Variants in KANK1 observed in about 807,000 individuals in gnomAD.
KANK1 encodes KN motif and ankyrin repeat domains 1, also known as KN motif and ankyrin repeat domain-containing protein 1.
In KANK1, 109 loss-of-function variants were observed where a neutral mutation model predicts 106.2. That is an observed-to-expected ratio of 1.03 (90% CI 0.88 to 1.20). The LOEUF is 1.20. Among genes scored for constraint, KANK1 ranks in the 50% most tolerant of loss-of-function variants. The probability of loss-of-function intolerance (pLI) is 0.00; values close to 1 mark genes in which losing one functional copy is unlikely to be tolerated. For missense variants in KANK1, 2,399 were observed against 1,710.7 expected, an observed-to-expected ratio of 1.40 and a Z score of -7.10; for synonymous variants, 873 against 652.2, an observed-to-expected ratio of 1.34 and a Z score of -5.16.
chr9:677,831 T>C (rs1816703709), intron 2 of KANK1, among the ~76,000 whole-genome samples: 2 of 152,212 alleles, frequency 1.3e-5, no homozygotes, highest in Admixed American at 1.3e-4. Flanking sequence ...AGTGTAGAAT[T>C]GGAGCCAGGA....
At chr9:531,389 C>T (rs1023947357) in intron 1 of KANK1, among the ~76,000 whole-genome samples, 4 of 151,926 alleles carry the variant, frequency 2.6e-5, no homozygotes, top group African/African-American at 9.7e-5. Flanking sequence ...TGTAATTGTA[C>T]CCCTACACTC....
At chr9:636,042 T>G (rs1837056288) in intron 1 of KANK1, among the ~76,000 whole-genome samples, 1 of 152,128 alleles carries the variant, frequency 6.6e-6, no homozygotes, top group Non-Finnish European at 1.5e-5. Flanking sequence ...ATTTTCATAG[T>G]TTTACTGTTT....
rs144546089 is a variant in KANK1 at position 631,742 on chromosome 9, C to T, written c.-83-45148C>T. On this transcript the variant is annotated intron_variant, in intron 1 of 11. Transcript: ENST00000382297. ...TCATCCATCCCTTGCATATTTAACT[C>T]CTCACACACCCCATTCTGTGGTCTC... 9.2e-5 allele frequency among the ~76,000 whole-genome samples: 14 copies of T among 152,318 alleles called. No individual in the cohort carries two copies. In the East Asian group the frequency reaches 2.5e-3, roughly 27 times the overall value.
chr9:536,097 G>A (rs1240514358), intron 1 of KANK1, among the ~76,000 whole-genome samples: 1 of 152,124 alleles, frequency 6.6e-6, no homozygotes, highest in African/African-American at 2.4e-5. Context: ...CAGCACTTCA[G>A]GAGGCTGAGG....
chr9:624,206 G>T (rs1833834465), intron 1 of KANK1, among the ~76,000 whole-genome samples: 1 of 152,100 alleles, frequency 6.6e-6, no homozygotes, highest in Non-Finnish European at 1.5e-5. Context: ...GAGTAGAATG[G>T]TGATTGTCAG....
Position 732,507 on chromosome 9 carries a change from A to T in KANK1, c.3135A>T (p.Gly1045=), listed in dbSNP as rs1832591226. 6.2e-7 allele frequency: 1 copy of T among 1,614,000 alleles called. No homozygotes were observed. Among genetic ancestry groups the T allele is most frequent in the Non-Finnish European group, 8.5e-7 (1 of 1,180,030 alleles). The stretch of plus-strand genomic sequence containing the variant: ...AGGAGGAGGATGAAGACACTCGGGG[A>T]ATGGCAGAAGGGCACCATGCAGTTA... ...EEEEEDEDTR[G]MAEGHHAVNI... is the part of the protein sequence containing the mutation. Residue 1045 remains glycine, a synonymous_variant, in exon 6 of 12, where the codon GGA becomes GGT. Coordinates refer to ENST00000382297, the MANE Select transcript of KANK1 (RefSeq NM_015158.5).
intron 1 of KANK1, among the ~76,000 whole-genome samples, chr9:635,772 C>G (rs1836985198): frequency 7.3e-6 from 1 of 137,200 alleles, no homozygotes; most frequent in Admixed American, 7.9e-5. Context: ...GATCTCAGCT[C>G]ACTGCAACCT....
intron 1 of KANK1, among the ~76,000 whole-genome samples, chr9:543,559 C>CAA (rs57776331): frequency 3.3e-4 from 40 of 120,458 alleles, no homozygotes; most frequent in Non-Finnish European, 5.6e-4. Flanking sequence ...AACTCTGTCT[C>CAA]AAAAAAAAAA....
chr9:537,514 G>A (rs2060362557), intron 1 of KANK1, among the ~76,000 whole-genome samples: 1 of 152,154 alleles, frequency 6.6e-6, no homozygotes, highest in African/African-American at 2.4e-5. Context: ...ATTTGGGGGG[G>A]CTCTTTTTTT....
At chr9:540,344 T>C (rs527681343) in intron 1 of KANK1, among the ~76,000 whole-genome samples, 48 of 152,358 alleles carry the variant, frequency 3.2e-4, no homozygotes, top group African/African-American at 1.1e-3. Context: ...TTTTAATTAA[T>C]TTGCATATGT....
chr9:598,850 T>G (rs1472115962), intron 1 of KANK1, among the ~76,000 whole-genome samples: 1 of 150,086 alleles, frequency 6.7e-6, no homozygotes, highest in Non-Finnish European at 1.5e-5. Flanking sequence ...CAGACTGGTC[T>G]CGGACTCCTG....
chr9:562,959 G>A (rs1275038019), intron 1 of KANK1, among the ~76,000 whole-genome samples: 4 of 152,164 alleles, frequency 2.6e-5, no homozygotes, highest in Non-Finnish European at 5.9e-5. Context: ...TCTCATCTTT[G>A]TGGAGTAAGT....
intron 1 of KANK1, among the ~76,000 whole-genome samples, chr9:523,141 G>A (rs918582689): frequency 6.6e-6 from 1 of 150,698 alleles, no homozygotes; most frequent in Non-Finnish European, 1.5e-5. Flanking sequence ...GTTCCACTCT[G>A]TAAGGCCCAA....
At chr9:483,018 C>G (rs4742040) in intron 3 of KANK1, among the ~76,000 whole-genome samples, 8 of 152,000 alleles carry the variant, frequency 5.3e-5, no homozygotes, top group Non-Finnish European at 8.8e-5. Context: ...GGTCAACTGT[C>G]GCAGCATCAC....
At chr9:625,291 C>G (rs10124549) in intron 1 of KANK1, among the ~76,000 whole-genome samples, 4,760 of 152,230 alleles carry the variant, frequency 0.031, 245 homozygotes, top group African/African-American at 0.11. Context: ...AGATAAAAAC[C>G]GTTAAGTATT....
intron 1 of KANK1, among the ~76,000 whole-genome samples, chr9:645,611 G>A (rs1839497980): frequency 6.6e-6 from 1 of 150,532 alleles, no homozygotes; most frequent in African/African-American, 2.5e-5. Context: ...GCTGGGCGTG[G>A]TGGCTCATGC....
At chr9:554,599 A>C (rs911991161) in intron 1 of KANK1, among the ~76,000 whole-genome samples, 5 of 152,240 alleles carry the variant, frequency 3.3e-5, no homozygotes, top group African/African-American at 1.2e-4. Context: ...CTAACATCAC[A>C]ACCATCTGAA....
chr9:492,177 C>T (rs2058388780), intron 3 of KANK1: 1 of 152,186 alleles, frequency 6.6e-6, no homozygotes, highest in Non-Finnish European at 1.5e-5. Flanking sequence ...TCATTATTGT[C>T]ATCATAATTG....
chr9:629,998 A>C (rs2136715347), intron 1 of KANK1, among the ~76,000 whole-genome samples: 1 of 152,352 alleles, frequency 6.6e-6, no homozygotes, highest in Non-Finnish European at 1.5e-5. Flanking sequence ...CTGTAATCCC[A>C]GCACTTTGGG....
Sources: gnomAD v4.1 joint callset for allele counts (sites outside exome capture counted in the v4.1 genomes callset) on GRCh38, gnomAD v4.1.1 for gene constraint, MANE v1.5 for transcripts, NCBI Gene and HGNC (gene_info 2026-07-23, HGNC 2026-07-21) for gene names.